KLHL30: variants seen among roughly 807,000 people sequenced by gnomAD.
KLHL30 encodes kelch like family member 30.
KLHL30 carries 55 observed loss-of-function variants against 55.0 expected under a neutral mutation model. The ratio of observed to expected loss-of-function variants is 1.00; its 90% CI spans 0.80 to 1.25. The LOEUF (loss-of-function observed/expected upper bound fraction) is 1.25. KLHL30 is among the 50% of genes most tolerant of loss of function. The pLI, the probability that KLHL30 is intolerant of heterozygous loss-of-function variation, is 0.00. For synonymous variants in KLHL30, 356 were observed against 372.6 expected, an observed-to-expected ratio of 0.96 and a Z score of 0.51; for missense variants, 786 against 811.6, an observed-to-expected ratio of 0.97 and a Z score of 0.38.
chr2:238,148,383 C>T (rs898901449), intron 6 of KLHL30, among the ~76,000 whole-genome samples: 5 of 152,190 alleles, frequency 3.3e-5, no homozygotes, highest in Admixed American at 1.3e-4. Context: ...AAGGGCCTCA[C>T]GGGCCGGGAG....
intron 3 of KLHL30, among the ~76,000 whole-genome samples, 183 bp downstream of exon 3, chr2:238,143,114 G>A (rs933111431): frequency 3.9e-5 from 6 of 152,220 alleles, no homozygotes; most frequent in African/African-American, 7.2e-5. Context: ...GAGGTACCCC[G>A]GGAGGGGGAA....
chr2:238,147,789 C>T lies in KLHL30; in HGVS notation c.1151-45C>T. On this transcript the variant is annotated intron_variant, in intron 5 of 7. Coordinates refer to ENST00000409223, the MANE Select transcript of KLHL30 (RefSeq NM_198582.4). This position sits in a 1 kb window ranked among gnomAD's most constrained non-coding sequence, Gnocchi z 5.8. Reference sequence around the variant, plus strand: ...CCCAGCCCCTGAGTTTCCAGGCCTCCCCTCTCCTCCCCAGCCCTGAACTGC... The same window carrying T: ...CCCAGCCCCTGAGTTTCCAGGCCTCTCCTCTCCTCCCCAGCCCTGAACTGC... 7.7e-7 allele frequency: 1 copy of T among 1,292,694 alleles called. No homozygotes were observed. The highest frequency in any genetic ancestry group is 1.5e-5 in the African/African-American group (1 of 65,388). The allele number at this position is 1,292,694 out of a possible 1,614,324, so 80.1% of individuals were successfully genotyped here.
At position 238,141,221 on chromosome 2, in the gene KLHL30, C is replaced by T; in HGVS notation, c.467C>T (p.Ala156Val). 1 of 1,610,070 alleles carries T rather than the reference C, an allele frequency of 6.2e-7. No homozygotes were observed. Among genetic ancestry groups the T allele is most frequent in the Non-Finnish European group, 8.5e-7 (1 of 1,179,674 alleles). Residue 156 changes from alanine (A) to valine (V), a missense_variant, in exon 2 of 8, where the codon GCC becomes GTC. By Grantham distance (64) the Ala-to-Val change is moderately conservative (BLOSUM62 0). Coordinates refer to ENST00000409223, the MANE Select transcript of KLHL30 (RefSeq NM_198582.4). ...CTGGGCGTGGCTGCCAAGGCCTGGG[C>T]CTTCCTGCGAGAGAACTTTGAGGCT... ...GLLGVAAKAW[A>V]FLRENFEAVA...
chr2:238,146,377 T>C (rs1692648820), intron 5 of KLHL30, among the ~76,000 whole-genome samples: 1 of 150,458 alleles, frequency 6.6e-6, no homozygotes, highest in African/African-American at 2.4e-5. Context: ...TGTCTCCCTT[T>C]TTAAAATTAT....
Position 238,147,786 on chromosome 2 carries a change from C to A in KLHL30, c.1151-48C>A. ...AGCCCCAGCCCCTGAGTTTCCAGGC[C>A]TCCCCTCTCCTCCCCAGCCCTGAAC... On this transcript the variant is annotated intron_variant, in intron 5 of 7. Transcript: ENST00000409223. This position sits in a 1 kb window ranked among gnomAD's most constrained non-coding sequence, Gnocchi z 5.8. 2 of 1,271,442 alleles carry A rather than the reference C, an allele frequency of 1.6e-6. No homozygotes were observed. The highest frequency in any genetic ancestry group is 3.2e-5 in the Admixed American group (1 of 31,242). 78.8% of individuals were successfully genotyped at this position (1,271,442 alleles called of 1,614,324 possible). A position where few individuals can be genotyped will look rare whatever the true frequency, so the allele number is the denominator to read the frequency against.
At chr2:238,148,715 A>C (rs968996923) in intron 6 of KLHL30, among the ~76,000 whole-genome samples, 1 of 152,086 alleles carries the variant, frequency 6.6e-6, no homozygotes, top group Non-Finnish European at 1.5e-5. Flanking sequence ...AGCCAGGCCA[A>C]AGCACCCCCA....
At chr2:238,144,374 G>GGGAA (rs2106312062) in intron 3 of KLHL30, among the ~76,000 whole-genome samples, 1 of 52,140 alleles carries the variant, frequency 1.9e-5, no homozygotes, top group East Asian at 4.7e-4. Context: ...GTGCTCGGAA[G>GGGAA]GAAGGAAGGA....
chr2:238,147,896 G>C lies in KLHL30; in HGVS notation c.1213G>C (p.Val405Leu). The C allele has an allele frequency of 1.3e-6, 2 of 1,599,894 alleles. No individual in the cohort carries two copies. The highest frequency in any genetic ancestry group is 1.7e-6 in the Non-Finnish European group (2 of 1,172,958). ...YDPYTDSWTPVSPALKYVSNF... is the reference protein window; with the variant it reads ...YDPYTDSWTPLSPALKYVSNF... ...CCCCTACACGGACAGCTGGACGCCC[G>C]TCAGCCCGGCCCTCAAATACGTCAG... Residue 405 changes from valine (V) to leucine (L), a missense_variant, in exon 6 of 8, where the codon GTC becomes CTC. Val to Leu is a conservative substitution (Grantham distance 32). Coordinates refer to ENST00000409223, the MANE Select transcript of KLHL30 (RefSeq NM_198582.4). The surrounding 1 kb of genome is among the most constrained non-coding windows in gnomAD (Gnocchi z 5.8).
At chr2:238,150,766 G>T (rs1334544706) in intron 7 of KLHL30, 48 bp from the exon 8 acceptor site, 13 of 1,530,292 alleles carry the variant, frequency 8.5e-6, no homozygotes, top group Middle Eastern at 2.2e-4. Context: ...CCTCAGCCCT[G>T]CTCTCCAGCT....
chr2:238,145,820 TACGTTA>T lies in KLHL30; in HGVS notation c.1139_1144del (p.Tyr380_Ile382delinsPhe). 6.2e-7 allele frequency: 1 copy of T among 1,603,066 alleles called. No homozygotes were observed. The highest frequency in any genetic ancestry group is 8.5e-7 in the Non-Finnish European group (1 of 1,174,666). On this transcript the variant is annotated inframe_deletion, in exon 5 of 8. Coordinates refer to ENST00000409223, the MANE Select transcript of KLHL30 (RefSeq NM_198582.4). ...CAGCGCGGCCCTCAATGGGGAGATC[TACGTTA>T]TCGGCGGTGAGGCCTTCCTCTCCAC... is the stretch of plus-strand genomic sequence containing the variant.
intron 3 of KLHL30, among the ~76,000 whole-genome samples, chr2:238,144,408 A>AGGC (rs1692600530): frequency 1.4e-4 from 17 of 119,524 alleles, no homozygotes; most frequent in Admixed American, 3.3e-4. Context: ...GGAAGGAAGG[A>AGGC]AGGAAGGAAG....
At chr2:238,150,115 C>T (rs1028412313) in intron 7 of KLHL30, among the ~76,000 whole-genome samples, 9 of 152,280 alleles carry the variant, frequency 5.9e-5, no homozygotes, top group South Asian at 4.1e-4. Flanking sequence ...GCCAGGCTAG[C>T]GTGTCTGCCT....
At chr2:238,148,872 C>T (rs1692696326) in intron 6 of KLHL30, 135 bp from the exon 7 acceptor site, 1 of 842,924 alleles carries the variant, frequency 1.2e-6, no homozygotes, top group Non-Finnish European at 1.9e-6. Flanking sequence ...ACCGCAGGGA[C>T]CTACTCCCAT....
chr2:238,141,124 C>G lies in KLHL30; in HGVS notation c.370C>G (p.Arg124Gly), dbSNP rs780905142. ...CCCCTCGGTGCAGAAGGTCTGCGGC[C>G]GCTACCTGCAGCAGCAACTGGATGC... ...HFPSVQKVCG[R>G]YLQQQLDAAN... The change falls in exon 2 of 8, where the codon CGC (arginine) becomes GGC (glycine). Residue 124 changes from arginine (R) to glycine (G), a missense_variant. By Grantham distance (125) the Arg-to-Gly change is moderately radical. Transcript: ENST00000409223. 6.2e-7 allele frequency: 1 copy of G among 1,611,014 alleles called. No homozygotes were observed. The highest frequency in any genetic ancestry group is 1.1e-5 in the South Asian group (1 of 90,980).
intron 5 of KLHL30, among the ~76,000 whole-genome samples, chr2:238,146,432 G>A (rs12692217): frequency 0.99 from 148,738 of 150,824 alleles, 73,344 homozygotes; most frequent in East Asian, 1. Flanking sequence ...TTTTTGAGAC[G>A]GTCTTTCTCT....
rs1162612778 is a variant in KLHL30 at position 238,152,882 on chromosome 2, TA to T, written c.*1820del. The T allele has an allele frequency of 2.0e-5, 3 of 152,248 alleles. No homozygotes were observed. Among genetic ancestry groups the T allele is most frequent in the Admixed American group, 2.0e-4 (3 of 15,282 alleles). The allele number at this position is 152,248 out of a possible 1,614,324, so 9.4% of individuals were successfully genotyped here. A position where few individuals can be genotyped will look rare whatever the true frequency, so the allele number is the denominator to read the frequency against. On this transcript the variant is annotated 3_prime_UTR_variant, in exon 8 of 8. Transcript: ENST00000409223. ...GCTGTTTAAAAACAAAGCCTCCATGTAAACCATTTCTGCAAGAATATTTTAA... is the reference window on the plus strand; with the variant it reads ...GCTGTTTAAAAACAAAGCCTCCATGTAACCATTTCTGCAAGAATATTTTAA...
At chr2:238,149,270 C>A in intron 7 of KLHL30, 118 bp downstream of exon 7, 1 of 1,388,114 alleles carries the variant, frequency 7.2e-7, no homozygotes, top group Non-Finnish European at 9.8e-7. Context: ...AAGGGGACAG[C>A]GCAGGCTGGG....
intron 3 of KLHL30, among the ~76,000 whole-genome samples, chr2:238,143,165 C>T (rs1414740074): frequency 6.6e-6 from 1 of 152,204 alleles, no homozygotes; most frequent in Non-Finnish European, 1.5e-5. Flanking sequence ...GCAGCCGGAG[C>T]CCAGGACTCT....
chr2:238,139,338 C>T (rs1692487829), intron 1 of KLHL30, among the ~76,000 whole-genome samples: 1 of 152,230 alleles, frequency 6.6e-6, no homozygotes, highest in African/African-American at 2.4e-5. Context: ...CTCCCGGCTG[C>T]CCAGGGAGGG....
Sources: gnomAD v4.1 joint callset for allele counts (sites outside exome capture counted in the v4.1 genomes callset) on GRCh38, gnomAD v4.1.1 for gene constraint, Gnocchi (gnomAD v3.1) non-coding constraint, MANE v1.5 for transcripts, NCBI Gene and HGNC (gene_info 2026-07-23, HGNC 2026-07-21) for gene names.